EPHB2: variants seen among roughly 807,000 people sequenced by gnomAD.
EPHB2 encodes ephrin type-B receptor 2.
In EPHB2, 18 loss-of-function variants were observed where a neutral mutation model predicts 96.4. The ratio of observed to expected loss-of-function variants is 0.19; its 90% CI spans 0.13 to 0.28. The LOEUF (loss-of-function observed/expected upper bound fraction) is 0.28, where lower values mean the gene tolerates loss of function less well. EPHB2 is among the 10% of genes least tolerant of loss of function. The pLI is 1.00. For missense variants in EPHB2, 989 were observed against 1,355.4 expected, an observed-to-expected ratio of 0.73 and a Z score of 4.25; for synonymous variants, 506 against 534.1, an observed-to-expected ratio of 0.95 and a Z score of 0.72.
At chr1:22,866,261 G>A (rs1278401147) in intron 5 of EPHB2, among the ~76,000 whole-genome samples, 1 of 152,124 alleles carries the variant, frequency 6.6e-6, no homozygotes, top group Non-Finnish European at 1.5e-5. Context: ...GTCCATGGAA[G>A]AGCTAAGGGA....
intron 3 of EPHB2, among the ~76,000 whole-genome samples, chr1:22,806,131 A>G (rs1484652257): frequency 1.3e-5 from 2 of 152,248 alleles, no homozygotes; most frequent in African/African-American, 4.8e-5. Flanking sequence ...TAGAGACTCC[A>G]GCCAGGTACA....
At chr1:22,805,825 G>A (rs189207943) in intron 3 of EPHB2, among the ~76,000 whole-genome samples, 62 of 152,316 alleles carry the variant, frequency 4.1e-4, no homozygotes, top group African/African-American at 1.4e-3. Context: ...TGAGCCTGGT[G>A]AAAGAGAAGA....
intron 5 of EPHB2, among the ~76,000 whole-genome samples, chr1:22,876,371 G>C (rs144078647): frequency 6.6e-6 from 1 of 152,254 alleles, no homozygotes; most frequent in African/African-American, 2.4e-5. Context: ...GACCCTGAGA[G>C]ACCACCCCGT....
chr1:22,786,417 C>T (rs2148427467), intron 3 of EPHB2, among the ~76,000 whole-genome samples: 1 of 152,292 alleles, frequency 6.6e-6, no homozygotes, highest in African/African-American at 2.4e-5. Context: ...AGGTTGGGGC[C>T]AGATCCTGGG....
intron 5 of EPHB2, among the ~76,000 whole-genome samples, chr1:22,871,154 A>G (rs1638652890): frequency 6.6e-6 from 1 of 152,362 alleles, no homozygotes; most frequent in East Asian, 1.9e-4. Flanking sequence ...AAAGCGAGGC[A>G]TTGAGAGGTA....
chr1:22,715,821 C>G (rs1413997459), intron 1 of EPHB2, among the ~76,000 whole-genome samples: 1 of 152,200 alleles, frequency 6.6e-6, no homozygotes, highest in Non-Finnish European at 1.5e-5. Context: ...CAGGCGCAAA[C>G]AGACGTGAGT....
intron 3 of EPHB2, among the ~76,000 whole-genome samples, chr1:22,802,992 C>T (rs547405176): frequency 1.1e-4 from 17 of 152,102 alleles, no homozygotes; most frequent in Non-Finnish European, 2.4e-4. Context: ...ACTGGGGAGA[C>T]TAGGACTAGG....
chr1:22,912,651 C>T (rs1225717534), intron 15 of EPHB2, 52 bp downstream of exon 15: 1 of 1,607,404 alleles, frequency 6.2e-7, no homozygotes, highest in Non-Finnish European at 8.5e-7. Flanking sequence ...TCTCCACCGG[C>T]CCCACCAGCC....
At chr1:22,797,712 C>A (rs1644787365) in intron 3 of EPHB2, among the ~76,000 whole-genome samples, 1 of 152,134 alleles carries the variant, frequency 6.6e-6, no homozygotes, top group African/African-American at 2.4e-5. Flanking sequence ...TTTAAGACTC[C>A]CCATCCTGCA....
chr1:22,801,593 C>T (rs1290057212), intron 3 of EPHB2, among the ~76,000 whole-genome samples: 1 of 152,086 alleles, frequency 6.6e-6, no homozygotes, highest in African/African-American at 2.4e-5. Flanking sequence ...GAGGCCAGGC[C>T]TTAGAGGATG....
Position 22,784,308 on chromosome 1 carries a change from C to A in EPHB2, c.127-84C>A. 1.5e-6 allele frequency: 2 copies of A among 1,361,876 alleles called. No individual in the cohort carries two copies. Among genetic ancestry groups the A allele is most frequent in the Non-Finnish European group, 2.1e-6 (2 of 959,960 alleles). The allele number at this position is 1,361,876 out of a possible 1,614,324, so 84.4% of individuals were successfully genotyped here. On this transcript the variant is annotated intron_variant, in intron 2 of 15. Transcript: ENST00000374630. This position sits in a 1 kb window ranked among gnomAD's most constrained non-coding sequence, Gnocchi z 5.1. ...CATTAGACTGGAGGGTTCCCTAAGG[C>A]AGAGTCTGTGTCTTCCACCTTAGAC...
intron 6 of EPHB2, chr1:22,891,108 G>A (rs1639375609): frequency 2.2e-6 from 1 of 455,900 alleles, no homozygotes; most frequent in African/African-American, 2.0e-5. Flanking sequence ...GGTAGCTACT[G>A]TTACTATCCC....
intron 12 of EPHB2, among the ~76,000 whole-genome samples, chr1:22,908,567 G>A (rs1639991662): frequency 6.6e-6 from 1 of 152,214 alleles, no homozygotes; most frequent in Admixed American, 6.5e-5. Context: ...GGTAGACAGG[G>A]CTGGACCTTG....
rs574544152 is a variant in EPHB2 at position 22,784,592 on chromosome 1, G to A, written c.327G>A (p.Glu109=). Residue 109 remains glutamate, a synonymous_variant, in exon 3 of 16, where the codon GAG becomes GAA. Coordinates refer to ENST00000374630, the MANE Select transcript of EPHB2 (RefSeq NM_017449.5). This position sits in a 1 kb window ranked among gnomAD's most constrained non-coding sequence, Gnocchi z 5.1. ...SIPSVPGSCK[E]TFNLYYYEAD... Reference sequence around the variant, plus strand: ...CCAGCGTGCCTGGCTCCTGCAAGGAGACCTTCAACCTCTATTACTATGAGG... The same window carrying A: ...CCAGCGTGCCTGGCTCCTGCAAGGAAACCTTCAACCTCTATTACTATGAGG... The A allele has an allele frequency of 6.2e-7, 1 of 1,614,200 alleles. No homozygotes were observed. The highest frequency in any genetic ancestry group is 2.2e-5 in the East Asian group (1 of 44,882).
chr1:22,797,312 G>A (rs375424446), intron 3 of EPHB2, among the ~76,000 whole-genome samples: 4 of 152,264 alleles, frequency 2.6e-5, no homozygotes, highest in African/African-American at 9.6e-5. Flanking sequence ...AAGTCAGTGG[G>A]AGACATGGAC....
chr1:22,784,377 G>T lies in EPHB2; in HGVS notation c.127-15G>T. 6.2e-7 allele frequency: 1 copy of T among 1,613,836 alleles called. No homozygotes were observed. Among genetic ancestry groups the T allele is most frequent in the African/African-American group, 1.3e-5 (1 of 75,044 alleles). On this transcript the variant is annotated splice_polypyrimidine_tract_variant and intron_variant, in intron 2 of 15. Transcript: ENST00000374630. This position sits in a 1 kb window ranked among gnomAD's most constrained non-coding sequence, Gnocchi z 5.1. Reference sequence around the variant, plus strand: ...GAGCCCTTACCTCCCCACCTGACGAGCATTTTACCCACAGTGGGAAGAGGT... The same window carrying T: ...GAGCCCTTACCTCCCCACCTGACGATCATTTTACCCACAGTGGGAAGAGGT...
intron 3 of EPHB2, among the ~76,000 whole-genome samples, chr1:22,813,342 T>A (rs1340139997): frequency 6.6e-6 from 1 of 152,118 alleles, no homozygotes; most frequent in Non-Finnish European, 1.5e-5. Context: ...GGAGCCTGAC[T>A]TGAAGGTGTA....
chr1:22,841,048 C>T (rs1645460163), intron 3 of EPHB2, among the ~76,000 whole-genome samples: 1 of 152,142 alleles, frequency 6.6e-6, no homozygotes, highest in Admixed American at 6.5e-5. Context: ...GCAGAGATTG[C>T]ATCTCTGTCC....
At chr1:22,838,958 A>G (rs955169643) in intron 3 of EPHB2, among the ~76,000 whole-genome samples, 1 of 151,972 alleles carries the variant, frequency 6.6e-6, no homozygotes, top group African/African-American at 2.4e-5. Flanking sequence ...AAAAAAAGAA[A>G]AAAAGAAAAA....
Sources: allele counts gnomAD v4.1 joint callset (sites outside exome capture counted in the v4.1 genomes callset), GRCh38; gene constraint gnomAD v4.1.1; non-coding constraint Gnocchi (gnomAD v3.1); transcripts MANE v1.5; gene names NCBI Gene and HGNC (gene_info 2026-07-23, HGNC 2026-07-21).